The following LINC00632 variants were observed in gnomAD, a reference collection of about 807,000 sequenced individuals.
LINC00632 encodes the protein long independently transcribed non-coding RNA 632, also known as ALDOA related specific transcript.
chrX:140,764,461 T>G (rs985192690), intron 3 of LINC00632: 8 of 111,512 alleles, frequency 7.2e-5, no homozygotes, highest in Non-Finnish European at 1.5e-4. Flanking sequence ...CCTCCCCTCC[T>G]TAGGGAGTGG....
At chrX:140,782,474 C>A (rs910098706) in exon 5 of LINC00632, 13 of 111,599 alleles carry the variant, frequency 1.2e-4, no homozygotes, top group African/African-American at 4.2e-4. Context: ...ATATCTCCAA[C>A]AACCCATCTT....
chrX:140,742,204 T>G (rs1194756512), intron 3 of LINC00632, among the ~76,000 whole-genome samples: 1 of 112,147 alleles, frequency 8.9e-6, no homozygotes, highest in Non-Finnish European at 1.9e-5. Flanking sequence ...TTGGAAAATT[T>G]TTGTGTAAGT....
rs1057245404 is a variant in LINC00632 at position 140,752,757 on chromosome X, A to G, written n.191+18793A>G. ...TTTGAGTTTGTCAAAACTGCCTGTC[A>G]CTTGTCCTTCCCTCATCTGTGTGTC... On this transcript the variant is annotated intron_variant and non_coding_transcript_variant, in intron 3 of 4. Transcript: ENST00000648200. Among the ~76,000 whole-genome samples the G allele has an allele frequency of 4.5e-5, 5 of 111,808 alleles. No individual in the cohort carries two copies. In the East Asian group the frequency reaches 1.1e-3, roughly 25 times the overall value.
At chrX:140,729,877 C>CTTTTTTTT (rs1207034823) in intron 2 of LINC00632, among the ~76,000 whole-genome samples, 28 of 90,834 alleles carry the variant, frequency 3.1e-4, no homozygotes, top group African/African-American at 5.1e-4. Flanking sequence ...TTTCTTTTTT[C>CTTTTTTTT]TTTTTTTTTT....
intron 3 of LINC00632, among the ~76,000 whole-genome samples, chrX:140,734,788 G>C (rs1931116409): frequency 1.1e-5 from 1 of 92,780 alleles, no homozygotes; most frequent in Non-Finnish European, 2.1e-5. Flanking sequence ...TTGAGACAGA[G>C]TCTTGCTCTG....
At chrX:140,737,662 C>T (rs989932173) in intron 3 of LINC00632, among the ~76,000 whole-genome samples, 16 of 111,899 alleles carry the variant, frequency 1.4e-4, no homozygotes, top group Non-Finnish European at 2.4e-4. Flanking sequence ...TATTATTCTA[C>T]TCTCTACCTC....
At chrX:140,763,238 C>CA (rs1440647635) in intron 3 of LINC00632, among the ~76,000 whole-genome samples, 3 of 109,679 alleles carry the variant, frequency 2.7e-5, no homozygotes, top group Non-Finnish European at 5.7e-5. Context: ...TCTATTAAAA[C>CA]AAAAAAATAC....
At chrX:140,784,358 C>A (rs1252346413) in exon 5 of LINC00632, 1 of 1,209,001 alleles carries the variant, frequency 8.3e-7, no homozygotes, top group South Asian at 1.8e-5. Flanking sequence ...CGTCTTCCAA[C>A]CAAGCCATGT....
At position 140,757,147 on chromosome X, in the gene LINC00632, C is replaced by G. The variant is rs752488029; in HGVS notation, n.192-14931C>G. Among the ~76,000 whole-genome samples, 101 of 111,421 alleles carry G rather than the reference C, an allele frequency of 9.1e-4. 1 individual carries two copies. Among genetic ancestry groups the G allele is most frequent in the Non-Finnish European group, 1.5e-3 (82 of 53,160 alleles). On this transcript the variant is annotated intron_variant and non_coding_transcript_variant, in intron 3 of 4. Coordinates refer to ENST00000648200, the Ensembl canonical transcript of LINC00632. ...CTGATGGCGACTGGCCACTTGGCAG[C>G]CAGCCACCAAGTGAGTTATTGATCC...
At chrX:140,723,658 A>G (rs1179663460) in intron 2 of LINC00632, among the ~76,000 whole-genome samples, 1 of 20,315 alleles carries the variant, frequency 4.9e-5, no homozygotes, top group Non-Finnish European at 9.8e-5. Context: ...ACACACACAC[A>G]TTCCATATAC....
chrX:140,730,908 C>T (rs182462199), intron 2 of LINC00632, among the ~76,000 whole-genome samples: 4,991 of 104,624 alleles, frequency 0.048, 315 homozygotes, highest in African/African-American at 0.16. Flanking sequence ...TTCTTTCTTT[C>T]TTTTTTTTTT....
chrX:140,782,709 T>C (rs965870740), exon 5 of LINC00632: 3 of 111,538 alleles, frequency 2.7e-5, no homozygotes, highest in East Asian at 5.6e-4. Context: ...CGCCAATTCC[T>C]CCAATGCCCA....
chrX:140,768,748 T>C (rs1470185349), intron 3 of LINC00632, among the ~76,000 whole-genome samples: 2 of 99,694 alleles, frequency 2.0e-5, no homozygotes, highest in African/African-American at 7.3e-5. Flanking sequence ...ATATATAACA[T>C]ATTTATCATA....
At chrX:140,774,743 G>C (rs1279986176) in exon 5 of LINC00632, among the ~76,000 whole-genome samples, 1 of 111,375 alleles carries the variant, frequency 9.0e-6, no homozygotes, top group Non-Finnish European at 1.9e-5. Context: ...TTATTTTATT[G>C]TTTTAGTTTG....
chrX:140,745,547 G>A (rs1931313623), intron 3 of LINC00632, among the ~76,000 whole-genome samples: 1 of 110,705 alleles, frequency 9.0e-6, no homozygotes, highest in African/African-American at 3.3e-5. Context: ...TTTCTCTATT[G>A]ACCACATGAC....
intron 1 of LINC00632, chrX:140,709,895 A>G: frequency 3.3e-6 from 1 of 306,038 alleles, no homozygotes; most frequent in Non-Finnish European, 6.7e-6. Context: ...GAATAATGCA[A>G]AATTGTGTAG....
In LINC00632 at chrX:140,718,300, G is replaced by A. The variant is rs148236671; in HGVS notation, n.104+6644G>A. Among the ~76,000 whole-genome samples the A allele has an allele frequency of 4.3e-3, 480 of 110,567 alleles. 3 individuals are homozygous for A. The highest frequency in any genetic ancestry group is 0.014 in the African/African-American group (426 of 30,399). On this transcript the variant is annotated intron_variant and non_coding_transcript_variant, in intron 2 of 4. Transcript: ENST00000648200. ...GGTAAGACTCAATCTAAAACAACTC[G>A]AATCAACCCACAATGCATAGAATAT...
chrX:140,720,495 C>T lies in LINC00632; in HGVS notation n.104+8839C>T, dbSNP rs773213893. ...TATACAAATCCTTCCTACAACATAA[C>T]GACTAATCCCACAAAACACTTTCTT... On this transcript the variant is annotated intron_variant and non_coding_transcript_variant, in intron 2 of 4. Coordinates refer to ENST00000648200, the Ensembl canonical transcript of LINC00632. Among the ~76,000 whole-genome samples, 4 of 111,442 alleles carry T rather than the reference C, an allele frequency of 3.6e-5. No homozygotes were observed. The East Asian group carries it at 8.5e-4, about 24-fold the overall frequency.
chrX:140,738,879 T>C (rs2148388045), intron 3 of LINC00632, among the ~76,000 whole-genome samples: 1 of 112,155 alleles, frequency 8.9e-6, no homozygotes, highest in African/African-American at 3.2e-5. Context: ...CTAAAGTTTA[T>C]ATTGGAAATC....
Sources: allele counts gnomAD v4.1 joint callset (sites outside exome capture counted in the v4.1 genomes callset), GRCh38; gene constraint gnomAD v4.1.1; transcripts MANE v1.5; gene names NCBI Gene and HGNC (gene_info 2026-07-23, HGNC 2026-07-21).